GSTA4: variants seen among roughly 807,000 people sequenced by gnomAD.
GSTA4 encodes glutathione S-transferase A4.
A neutral mutation model predicts 24.4 loss-of-function variants in GSTA4; 15 were observed. The observed-to-expected ratio is 0.61, with a 90% CI of 0.41 to 0.95. The LOEUF (loss-of-function observed/expected upper bound fraction) is 0.95, where lower values mean the gene tolerates loss of function less well. Among genes scored for constraint, GSTA4 ranks in the 40% least tolerant of loss-of-function variants. The pLI is 0.00. For synonymous variants in GSTA4, 92 were observed against 94.2 expected (o/e 0.98, Z 0.13); for missense variants, 244 against 262.1 (o/e 0.93, Z 0.48).
intron 2 of GSTA4, among the ~76,000 whole-genome samples, chr6:52,990,536 T>C (rs991431142): frequency 3.9e-5 from 6 of 152,200 alleles, no homozygotes; most frequent in Admixed American, 6.5e-5. Flanking sequence ...GTTCCTGTGA[T>C]TGGACTGGGG....
chr6:52,984,285 G>T (rs896531786), intron 5 of GSTA4, among the ~76,000 whole-genome samples, 179 bp downstream of exon 5: 1 of 152,168 alleles, frequency 6.6e-6, no homozygotes, highest in Non-Finnish European at 1.5e-5. Context: ...GAGTCCAAGG[G>T]GCTCTAAGAC....
At chr6:52,992,670 A>C (rs1009582858) in intron 2 of GSTA4, among the ~76,000 whole-genome samples, 4 of 152,262 alleles carry the variant, frequency 2.6e-5, no homozygotes, top group African/African-American at 9.6e-5. Context: ...AGGATTCTAC[A>C]AAAATATCTG....
Position 52,987,372 on chromosome 6 carries a change from A to G in GSTA4, c.124T>C (p.Tyr42His), listed in dbSNP as rs745389798. Residue 42 changes from tyrosine (Y) to histidine (H), a missense_variant, in exon 3 of 7, where the codon TAC (tyrosine) becomes CAC (histidine). Tyr to His is a moderately conservative substitution (Grantham distance 83, BLOSUM62 2). Coordinates refer to ENST00000370963, the MANE Select transcript of GSTA4 (RefSeq NM_001512.4). ...TCATACTCACCATCCTGCAACTTGT[A>G]CAACTGTTCTTTTGTTTCCAGAAAT... ...EEFLETKEQLYKLQDGNHLLF... is the reference protein window; with the variant it reads ...EEFLETKEQLHKLQDGNHLLF... 1.3e-6 allele frequency: 2 copies of G among 1,592,352 alleles called. No homozygotes were observed. Among genetic ancestry groups the G allele is most frequent in the Non-Finnish European group, 1.7e-6 (2 of 1,161,482 alleles).
chr6:52,982,352 T>TAAA (rs67390777), intron 6 of GSTA4, among the ~76,000 whole-genome samples: 4 of 150,274 alleles, frequency 2.7e-5, no homozygotes, highest in Non-Finnish European at 3.0e-5. Context: ...GATCCCACCT[T>TAAA]AAAAAAAAAA....
chr6:52,983,586 G>T (rs535926450), intron 5 of GSTA4, among the ~76,000 whole-genome samples: 1 of 152,192 alleles, frequency 6.6e-6, no homozygotes, highest in Non-Finnish European at 1.5e-5. Flanking sequence ...ATCTCTTCAT[G>T]ACTTCATTTC....
intron 3 of GSTA4, 125 bp downstream of exon 3, chr6:52,987,231 CT>C: frequency 2.3e-5 from 15 of 650,614 alleles, no homozygotes; most frequent in Non-Finnish European, 2.5e-5. Flanking sequence ...TTCCCTCTTG[CT>C]TTTTTTGGTT....
At chr6:52,994,412 A>ATG in intron 1 of GSTA4, 151 bp from the exon 2 acceptor site, 1 of 550,550 alleles carries the variant, frequency 1.8e-6, no homozygotes, top group Admixed American at 3.1e-5. Flanking sequence ...CTCAAGAAAA[A>ATG]AAAACCACCA....
At chr6:52,988,466 C>T (rs1243713664) in intron 2 of GSTA4, among the ~76,000 whole-genome samples, 1 of 152,170 alleles carries the variant, frequency 6.6e-6, no homozygotes, top group Admixed American at 6.5e-5. Context: ...CATCCTGAGG[C>T]TTCTGTTGTT....
intron 6 of GSTA4, among the ~76,000 whole-genome samples, chr6:52,980,445 A>G (rs1178024221): frequency 6.6e-6 from 1 of 152,058 alleles, no homozygotes; most frequent in African/African-American, 2.4e-5. Context: ...CTGGGATTAC[A>G]GGCACATGCC....
chr6:52,989,593 A>G (rs528371134), intron 2 of GSTA4, among the ~76,000 whole-genome samples: 22 of 152,320 alleles, frequency 1.4e-4, no homozygotes, highest in African/African-American at 5.3e-4. Context: ...GGCTTCTGCT[A>G]CTTGCCAGAG....
intron 2 of GSTA4, among the ~76,000 whole-genome samples, chr6:52,988,283 T>TA (rs5876296): frequency 5.4e-5 from 8 of 146,856 alleles, no homozygotes; most frequent in East Asian, 3.9e-4. Context: ...ATGATGATGC[T>TA]AAAAAAAAAA....
intron 6 of GSTA4, among the ~76,000 whole-genome samples, chr6:52,981,886 AGG>A (rs1763457702): frequency 2.0e-5 from 3 of 152,176 alleles, no homozygotes; most frequent in Non-Finnish European, 4.4e-5. Flanking sequence ...AATAACCCTG[AGG>A]GATAATTTGA....
chr6:52,994,307 T>C, intron 1 of GSTA4, 46 bp from the exon 2 acceptor site: 1 of 1,031,390 alleles, frequency 9.7e-7, no homozygotes, highest in South Asian at 1.3e-5. Context: ...CAGTCCCAAT[T>C]TCGCGTCTTC....
At chr6:52,993,011 G>A (rs1763693180) in intron 2 of GSTA4, among the ~76,000 whole-genome samples, 1 of 152,078 alleles carries the variant, frequency 6.6e-6, no homozygotes, top group African/African-American at 2.4e-5. Context: ...GCTGAGGCAG[G>A]GGAATTGCTT....
intron 5 of GSTA4, 123 bp from the exon 6 acceptor site, chr6:52,982,828 A>G (rs1763477867): frequency 1.3e-6 from 1 of 751,338 alleles, no homozygotes; most frequent in Admixed American, 2.5e-5. Flanking sequence ...GCTTTCATAA[A>G]TAACATCAAT....
chr6:52,992,219 G>T (rs969416464), intron 2 of GSTA4, among the ~76,000 whole-genome samples: 1 of 152,136 alleles, frequency 6.6e-6, no homozygotes, highest in South Asian at 2.1e-4. Flanking sequence ...AGCACCAGTG[G>T]CTAAAGCTGA....
Position 52,978,052 on chromosome 6 carries a change from G to A in GSTA4, c.*418C>T, listed in dbSNP as rs1763378561. 6.3e-6 allele frequency: 1 copy of A among 158,490 alleles called. No homozygotes were observed. Among genetic ancestry groups the A allele is most frequent in the Non-Finnish European group, 1.4e-5 (1 of 72,898 alleles). 9.8% of individuals were successfully genotyped at this position (158,490 alleles called of 1,614,324 possible). ...AGGAGAGTCATTTACTAGACATTCG[G>A]TTGTTATTAAACACTAAAAATTAGG... On this transcript the variant is annotated 3_prime_UTR_variant, in exon 7 of 7. Transcript: ENST00000370963.
At chr6:52,992,447 AG>A (rs1196209121) in intron 2 of GSTA4, among the ~76,000 whole-genome samples, 1 of 152,236 alleles carries the variant, frequency 6.6e-6, no homozygotes, top group Non-Finnish European at 1.5e-5. Flanking sequence ...CTGCTTCAGA[AG>A]AATACAAGGA....
intron 2 of GSTA4, among the ~76,000 whole-genome samples, chr6:52,993,085 A>G (rs1763694749): frequency 6.6e-6 from 1 of 152,082 alleles, no homozygotes; most frequent in Non-Finnish European, 1.5e-5. Context: ...CCTGGGCTAC[A>G]GAGCCAGCCT....
Sources: allele counts gnomAD v4.1 joint callset (sites outside exome capture counted in the v4.1 genomes callset), GRCh38; gene constraint gnomAD v4.1.1; transcripts MANE v1.5; gene names NCBI Gene and HGNC (gene_info 2026-07-23, HGNC 2026-07-21).